Variants in DNAH5 observed in about 807,000 individuals in gnomAD.
DNAH5 encodes axonemal beta dynein heavy chain 5.
Under a neutral mutation model 518.2 loss-of-function variants are expected in DNAH5, and 372 were observed. That is an observed-to-expected ratio of 0.72 (90% CI 0.66 to 0.78). The LOEUF is 0.78. Among genes scored for constraint, DNAH5 ranks in the 30% least tolerant of loss-of-function variants. The pLI is 0.00. For synonymous variants in DNAH5, 2,039 were observed against 2,025.9 expected (o/e 1.01, Z -0.17); for missense variants, 5,523 against 5,687.0 (o/e 0.97, Z 0.93).
In DNAH5 at chr5:13,913,722, T is replaced by C. The variant is rs1776300099; in HGVS notation, c.1536+21A>G. ...TTTAGTTGTGGATTATGTTATAAAA[T>C]ATAGCTTTAAAGTACAATACCTGGT... is the stretch of plus-strand genomic sequence containing the variant. On this transcript the variant is annotated intron_variant, in intron 11 of 78. Coordinates refer to ENST00000265104, the MANE Select transcript of DNAH5 (RefSeq NM_001369.3). The C allele has an allele frequency of 3.1e-6, 5 of 1,612,664 alleles. No homozygotes were observed. The African/African-American group carries it at 5.3e-5, about 17-fold the overall frequency.
At chr5:13,906,670 A>C (rs1775339023) in intron 12 of DNAH5, among the ~76,000 whole-genome samples, 1 of 152,224 alleles carries the variant, frequency 6.6e-6, no homozygotes, top group Admixed American at 6.5e-5. Context: ...TTAAGCCAAA[A>C]TAAAATGAGA....
At chr5:13,993,618 G>A (rs954607656) in intron 1 of DNAH5, among the ~76,000 whole-genome samples, 4 of 152,184 alleles carry the variant, frequency 2.6e-5, no homozygotes, top group Admixed American at 6.5e-5. Flanking sequence ...TTCCTTAAGA[G>A]CTTAAGGGCA....
intron 78 of DNAH5, among the ~76,000 whole-genome samples, chr5:13,699,372 G>A (rs1005824622): frequency 6.6e-6 from 1 of 152,168 alleles, no homozygotes; most frequent in African/African-American, 2.4e-5. Context: ...TAGCACCTAA[G>A]GTTATGGCTG....
intron 70 of DNAH5, among the ~76,000 whole-genome samples, chr5:13,726,009 C>A (rs1745670965): frequency 6.6e-6 from 1 of 152,172 alleles, no homozygotes; most frequent in African/African-American, 2.4e-5. Flanking sequence ...TCGGACAGTG[C>A]AGCATTTTTG....
intron 59 of DNAH5, among the ~76,000 whole-genome samples, chr5:13,765,727 T>C (rs1752428445): frequency 6.6e-6 from 1 of 152,218 alleles, no homozygotes; most frequent in Admixed American, 6.5e-5. Flanking sequence ...TACATACTTA[T>C]TGTCTTCTTA....
chr5:13,893,133 T>C (rs541733608), intron 16 of DNAH5, among the ~76,000 whole-genome samples: 1 of 152,166 alleles, frequency 6.6e-6, no homozygotes, highest in Non-Finnish European at 1.5e-5. Flanking sequence ...TTTTGGAAAG[T>C]GCGGTGAAAA....
At chr5:13,837,750 TG>T (rs1471769096) in intron 35 of DNAH5, among the ~76,000 whole-genome samples, 2 of 143,978 alleles carry the variant, frequency 1.4e-5, no homozygotes, top group East Asian at 4.1e-4. Context: ...TCACCCAGGC[TG>T]GAGTGCGGTG....
intron 1 of DNAH5, among the ~76,000 whole-genome samples, chr5:13,991,517 AGAG>A (rs1366811420): frequency 1.6e-5 from 2 of 125,670 alleles, no homozygotes; most frequent in Non-Finnish European, 3.3e-5. Context: ...AGAAGGAGGA[AGAG>A]GAGGGGAGGA....
intron 38 of DNAH5, among the ~76,000 whole-genome samples, chr5:13,826,515 G>A (rs1487335462): frequency 6.6e-6 from 1 of 152,132 alleles, no homozygotes; most frequent in East Asian, 1.9e-4. Flanking sequence ...GTTCTCATAA[G>A]ATCTGATGGT....
intron 21 of DNAH5, among the ~76,000 whole-genome samples, chr5:13,879,698 A>G (rs553711403): frequency 2.6e-5 from 4 of 151,938 alleles, no homozygotes; most frequent in Non-Finnish European, 5.9e-5. Flanking sequence ...AGACTAGATC[A>G]AGCAGAAGTA....
chr5:13,877,551 T>A (rs1203413411), intron 21 of DNAH5, among the ~76,000 whole-genome samples: 3 of 152,206 alleles, frequency 2.0e-5, no homozygotes, highest in Non-Finnish European at 4.4e-5. Context: ...TATTCTCAGA[T>A]CAATTCCATC....
chr5:13,781,476 T>A (rs1428118443), intron 52 of DNAH5, among the ~76,000 whole-genome samples: 1 of 152,154 alleles, frequency 6.6e-6, no homozygotes, highest in Non-Finnish European at 1.5e-5. Context: ...TCAACTCAAA[T>A]CTGATCTTGA....
At chr5:13,760,008 G>C (rs1053570164) in intron 60 of DNAH5, among the ~76,000 whole-genome samples, 1 of 152,072 alleles carries the variant, frequency 6.6e-6, no homozygotes, top group Non-Finnish European at 1.5e-5. Flanking sequence ...CAAAAGCATC[G>C]CTTGTAAGTT....
intron 76 of DNAH5, among the ~76,000 whole-genome samples, chr5:13,706,198 T>C (rs1374057509): frequency 6.6e-6 from 1 of 152,216 alleles, no homozygotes; most frequent in Non-Finnish European, 1.5e-5. Context: ...GCCGGTTTCA[T>C]TCACATGCAT....
chr5:13,990,908 T>C (rs989217786), intron 1 of DNAH5, among the ~76,000 whole-genome samples: 2 of 152,146 alleles, frequency 1.3e-5, no homozygotes, highest in Non-Finnish European at 1.5e-5. Flanking sequence ...AGAAAAAAGA[T>C]AACATTGAAA....
chr5:13,929,043 C>G (rs542078855), intron 2 of DNAH5, among the ~76,000 whole-genome samples: 1 of 152,154 alleles, frequency 6.6e-6, no homozygotes, highest in African/African-American at 2.4e-5. Flanking sequence ...ATTTGTATAC[C>G]CATGTTCATA....
chr5:13,708,476 G>A (rs72730641), intron 75 of DNAH5, 141 bp from the exon 76 acceptor site: 10,469 of 617,474 alleles, frequency 0.017, 1 homozygote, highest in South Asian at 0.045. Flanking sequence ...ATGGCAAAAA[G>A]AAAAAAAAAA....
At chr5:13,930,287 T>C (rs1269376742) in intron 2 of DNAH5, among the ~76,000 whole-genome samples, 1 of 152,150 alleles carries the variant, frequency 6.6e-6, no homozygotes, top group Non-Finnish European at 1.5e-5. Flanking sequence ...GTTAACATGA[T>C]GATAGTAGTT....
intron 34 of DNAH5, among the ~76,000 whole-genome samples, chr5:13,840,661 TCAC>T (rs1765031994): frequency 6.6e-6 from 1 of 152,220 alleles, no homozygotes; most frequent in Non-Finnish European, 1.5e-5. Context: ...TTAAAAATCA[TCAC>T]GTTAAAACAT....
Sources: gnomAD v4.1 joint callset for allele counts (sites outside exome capture counted in the v4.1 genomes callset) on GRCh38, gnomAD v4.1.1 for gene constraint, MANE v1.5 for transcripts, NCBI Gene and HGNC (gene_info 2026-07-23, HGNC 2026-07-21) for gene names.